CROCC: variants seen among roughly 807,000 people sequenced by gnomAD.
The protein encoded by CROCC is rootletin.
A neutral mutation model predicts 245.2 loss-of-function variants in CROCC; 180 were observed. The ratio of observed to expected loss-of-function variants is 0.73; its 90% CI spans 0.65 to 0.83. The LOEUF is 0.83. Among genes scored for constraint, CROCC ranks in the 40% least tolerant of loss-of-function variants. The pLI, the probability that CROCC is intolerant of heterozygous loss-of-function variation, is 0.00. For missense variants in CROCC, 2,688 were observed against 2,779.4 expected (o/e 0.97, Z 0.74); for synonymous variants, 1,205 against 1,241.6 (o/e 0.97, Z 0.62).
At chr1:16,922,390 G>A (rs6694144) in intron 1 of CROCC, among the ~76,000 whole-genome samples, 129,607 of 152,234 alleles carry the variant, frequency 0.85, 54,381 homozygotes, top group East Asian at 0.89. Flanking sequence ...ACCGGATTGG[G>A]GCCCCCAACA....
Position 16,954,952 on chromosome 1 carries a change from GC to G in CROCC, c.3465+79del. 1.4e-6 allele frequency: 2 copies of G among 1,422,078 alleles called. No individual in the cohort carries two copies. The allele number at this position is 1,422,078 out of a possible 1,614,324, so 88.1% of individuals were successfully genotyped here. A position where few individuals can be genotyped will look rare whatever the true frequency, so the allele number is the denominator to read the frequency against. ...GTGCCTGGGGGCCTAGTTCCCCAGG[GC>G]CCCAGAAGAGTGTAAGATTCCTCCC... On this transcript the variant is annotated intron_variant, in intron 23 of 36. Coordinates refer to ENST00000375541, the MANE Select transcript of CROCC (RefSeq NM_014675.5). The surrounding 1 kb of genome is among the most constrained non-coding windows in gnomAD (Gnocchi z 4.4).
chr1:16,956,947 A>T (rs527435778), intron 25 of CROCC, among the ~76,000 whole-genome samples: 1 of 152,340 alleles, frequency 6.6e-6, no homozygotes, highest in African/African-American at 2.4e-5. Flanking sequence ...AAATGGCCTC[A>T]TTCAGCCCCT....
rs373188576 is a variant in CROCC, at chr1:16,958,571, G to A, written c.3865-12G>A. The stretch of plus-strand genomic sequence containing the variant: ...CAGAGCTGAACCTGCTGCCATTCCC[G>A]TGCTCTCACAGATGAAGATGCTGGA... On this transcript the variant is annotated splice_polypyrimidine_tract_variant and intron_variant, in intron 25 of 36. Transcript: ENST00000375541. The A allele has an allele frequency of 4.3e-4, 665 of 1,549,770 alleles. No individual in the cohort carries two copies. Among genetic ancestry groups the A allele is most frequent in the Non-Finnish European group, 5.5e-4 (635 of 1,147,138 alleles).
At chr1:16,952,543 G>C (rs1157808042) in intron 20 of CROCC, among the ~76,000 whole-genome samples, 21 of 151,608 alleles carry the variant, frequency 1.4e-4, no homozygotes, top group African/African-American at 2.7e-4. Flanking sequence ...CTAGGGGCAA[G>C]TGCTGAGGCA....
At chr1:16,967,380 T>C (rs1345096969) in intron 30 of CROCC, among the ~76,000 whole-genome samples, 1 of 152,166 alleles carries the variant, frequency 6.6e-6, no homozygotes, top group African/African-American at 2.4e-5. Context: ...CTATTACTGC[T>C]TCCCCCCACC....
chr1:16,961,112 C>A lies in CROCC; in HGVS notation c.4387C>A (p.Arg1463=). The stretch of plus-strand genomic sequence containing the variant: ...GCGGCCAGTGCCCGGTTCCCCTGCC[C>A]GGGACGCACCCGCAGAAGGTAAGGG... ...APRPVPGSPA[R]DAPAEGSGEG... Residue 1463 remains arginine, a synonymous_variant, in exon 27 of 37, where the codon CGG becomes AGG. Transcript: ENST00000375541. The A allele has an allele frequency of 7.4e-7, 1 of 1,353,892 alleles. No homozygotes were observed. The highest frequency in any genetic ancestry group is 9.4e-7 in the Non-Finnish European group (1 of 1,058,444). 83.9% of individuals were successfully genotyped at this position (1,353,892 alleles called of 1,614,324 possible).
rs528502123 is a variant in CROCC, at chr1:16,940,864, T to C, written c.1808+771T>C. On this transcript the variant is annotated intron_variant, in intron 13 of 36. Coordinates refer to ENST00000375541, the MANE Select transcript of CROCC (RefSeq NM_014675.5). ...ACCTCTACCTCCCAACTGCCCCTAG[T>C]TGGGGGCCTGGGCCTGGCCTGGGGA... The C allele has an allele frequency of 7.1e-4, 292 of 414,150 alleles. 1 individual carries two copies. The highest frequency in any genetic ancestry group is 5.1e-3 in the African/African-American group (246 of 48,588). 25.7% of individuals were successfully genotyped at this position (414,150 alleles called of 1,614,324 possible). A position where few individuals can be genotyped will look rare whatever the true frequency, so the allele number is the denominator to read the frequency against.
intron 9 of CROCC, 89 bp from the exon 10 acceptor site, chr1:16,937,552 G>A: frequency 8.7e-7 from 1 of 1,144,348 alleles, no homozygotes; most frequent in Admixed American, 1.9e-5. Flanking sequence ...CCCTGCCTCG[G>A]GTTTGGAGAA....
At chr1:16,914,245 C>T (rs1476430117) in intron 1 of CROCC, among the ~76,000 whole-genome samples, 171 of 152,180 alleles carry the variant, frequency 1.1e-3, no homozygotes, top group Non-Finnish European at 4.6e-4. Flanking sequence ...GGGCTGGGGG[C>T]GCTGTGTGTT....
At position 16,948,834 on chromosome 1, in the gene CROCC, A is replaced by T. The variant is rs2076109711; in HGVS notation, c.2744A>T (p.Glu915Val). The T allele has an allele frequency of 1.2e-6, 2 of 1,611,696 alleles. No homozygotes were observed. Among genetic ancestry groups the T allele is most frequent in the Non-Finnish European group, 1.7e-6 (2 of 1,179,884 alleles). ...GAAGCCCTGGAGGGCAGCCTGTTTG[A>T]GGTGCAACGGCAGCTGGCCCAGCTT... ...EKEALEGSLF[E>V]VQRQLAQLEA... is the part of the protein sequence containing the mutation. Residue 915 changes from glutamate (E) to valine (V), a missense_variant, in exon 19 of 37, where the codon GAG becomes GTG. This residue lies in a region of CROCC where 26 missense variants were observed against 40.3 expected (regional missense o/e 0.64). Transcript: ENST00000375541.
chr1:16,920,086 ATT>A, upstream of CROCC, among the ~76,000 whole-genome samples: 2 of 125,974 alleles, frequency 1.6e-5, no homozygotes, highest in African/African-American at 5.6e-5. Context: ...TTATTTATTT[ATT>A]TATATTTTTG....
intron 13 of CROCC, 26 bp downstream of exon 13, chr1:16,940,119 G>A (rs746422058): frequency 1.3e-4 from 197 of 1,574,774 alleles, no homozygotes; most frequent in Non-Finnish European, 1.5e-4. Flanking sequence ...GAGCTGGGGG[G>A]TACTGAAGAA....
chr1:16,918,738 G>GTTTTTTTTTTTT (rs68022839), upstream of CROCC, among the ~76,000 whole-genome samples: 4 of 144,038 alleles, frequency 2.8e-5, no homozygotes, highest in African/African-American at 5.1e-5. Flanking sequence ...TTAGTTTTTT[G>GTTTTTTTTTTTT]TTTTTGTTTT....
rs776553947 is a variant in CROCC, at chr1:16,965,841, C to A, written c.4524C>A (p.Arg1508=). 1 of 1,613,646 alleles carries A rather than the reference C, an allele frequency of 6.2e-7. No homozygotes were observed. Among genetic ancestry groups the A allele is most frequent in the South Asian group, 1.1e-5 (1 of 91,082 alleles). ...ASPDLDPEAV[R]GALREFLQEL... ...CAGACCTGGACCCGGAGGCAGTGCG[C>A]GGGGCCCTCCGGGAATTCCTGCAAG... Residue 1508 remains arginine, a synonymous_variant, in exon 28 of 37, where the codon CGC becomes CGA. Transcript: ENST00000375541.
At chr1:16,948,241 A>G (rs1210730878) in intron 17 of CROCC, 90 bp from the exon 18 acceptor site, 13 of 1,443,670 alleles carry the variant, frequency 9.0e-6, no homozygotes, top group South Asian at 4.4e-5. Flanking sequence ...GCCTTCTGCC[A>G]GGACTGGGTT....
chr1:16,920,404 G>A (rs1486313350), upstream of CROCC, among the ~76,000 whole-genome samples: 3 of 152,334 alleles, frequency 2.0e-5, no homozygotes, highest in African/African-American at 7.2e-5. Flanking sequence ...TGTTGGCCAG[G>A]CTGGTCTCAA....
At position 16,970,338 on chromosome 1, in the gene CROCC, G is replaced by A. The variant is rs200774891; in HGVS notation, c.5537G>A (p.Arg1846His). ...GACGAGCGGCGGCTGCTGCAGGAGCGCCTGGGAAGCCTGCAGCGCGCCCTG... is the reference window on the plus strand; with the variant it reads ...GACGAGCGGCGGCTGCTGCAGGAGCACCTGGGAAGCCTGCAGCGCGCCCTG... The part of the protein sequence containing the change: ...LQDERRLLQE[R>H]LGSLQRALAQ... Residue 1846 changes from arginine to histidine, a missense_variant, in exon 34 of 37, where the codon CGC becomes CAC. Arg to His is a conservative substitution (Grantham distance 29). Around this residue, in one of 9 missense-constraint regions of CROCC, gnomAD observed 1,218 missense variants for 1,286.3 expected, o/e 0.95. Transcript: ENST00000375541. 675 of 1,588,572 alleles carry A rather than the reference G, an allele frequency of 4.2e-4. 11 individuals are homozygous for A. The East Asian group carries it at 7.0e-3, about 17-fold the overall frequency.
intron 31 of CROCC, among the ~76,000 whole-genome samples, chr1:16,968,796 T>A (rs1437256912): frequency 1.3e-5 from 2 of 152,026 alleles, no homozygotes; most frequent in African/African-American, 4.8e-5. Context: ...AATAAAAAAA[T>A]TTTAGGGTCG....
In CROCC at chr1:16,971,514, T is replaced by A; in HGVS notation, c.5834T>A (p.Val1945Glu). 1 of 1,536,790 alleles carries A rather than the reference T, an allele frequency of 6.5e-7. No homozygotes were observed. The change falls in exon 36 of 37, where the codon GTG (valine) becomes GAG (glutamate). Residue 1945 changes from valine to glutamate, a missense_variant. Around this residue, in one of 9 missense-constraint regions of CROCC, gnomAD observed 1,218 missense variants for 1,286.3 expected, o/e 0.95. Coordinates refer to ENST00000375541, the MANE Select transcript of CROCC (RefSeq NM_014675.5). ...AGCCACAGCCCGGCCCAGCTGGAGG[T>A]GGATGCGCAGCAGCAGCAGCTGGAG... is the stretch of plus-strand genomic sequence containing the variant. ...EQSHSPAQLE[V>E]DAQQQQLELQ...
Sources: gnomAD v4.1 joint callset for allele counts (sites outside exome capture counted in the v4.1 genomes callset) on GRCh38, gnomAD v4.1.1 for gene constraint, gnomAD v4.1.1 regional missense constraint, Gnocchi (gnomAD v3.1) non-coding constraint, MANE v1.5 for transcripts, NCBI Gene and HGNC (gene_info 2026-07-23, HGNC 2026-07-21) for gene names.